The following PITPNB variants were observed in gnomAD, a reference collection of about 807,000 sequenced individuals.
PITPNB encodes phosphatidylinositol transfer protein beta.
Under a neutral mutation model 45.9 loss-of-function variants are expected in PITPNB, and 16 were observed. The ratio of observed to expected loss-of-function variants is 0.35; its 90% CI spans 0.24 to 0.53. The LOEUF (loss-of-function observed/expected upper bound fraction) is 0.53, where lower values mean the gene tolerates loss of function less well. Among genes scored for constraint, PITPNB ranks in the 20% least tolerant of loss-of-function variants. The pLI is 0.93. For missense variants in PITPNB, 188 were observed against 330.5 expected, an observed-to-expected ratio of 0.57 and a Z score of 3.34; for synonymous variants, 112 against 108.9, an observed-to-expected ratio of 1.03 and a Z score of -0.18.
At chr22:27,918,508 C>A (rs563580192) in intron 1 of PITPNB, among the ~76,000 whole-genome samples, 1 of 152,358 alleles carries the variant, frequency 6.6e-6, no homozygotes, top group Admixed American at 6.5e-5. Context: ...CTCCATTTGA[C>A]AGAGCACGTG....
At position 27,852,791 on chromosome 22, in the gene PITPNB, C is replaced by G. The variant is rs1289319542; in HGVS notation, c.*911G>C. The stretch of plus-strand genomic sequence containing the variant: ...CTATATTTCCAACTTTTCTACACAG[C>G]CTACAATCCTATTAAGACTAATTTC... On this transcript the variant is annotated 3_prime_UTR_variant, in exon 12 of 12. Coordinates refer to ENST00000335272, the MANE Select transcript of PITPNB (RefSeq NM_012399.5). The G allele has an allele frequency of 6.6e-6, 1 of 152,610 alleles. No homozygotes were observed. Among genetic ancestry groups the G allele is most frequent in the Non-Finnish European group, 1.5e-5 (1 of 68,034 alleles). 9.5% of individuals were successfully genotyped at this position (152,610 alleles called of 1,614,324 possible).
At position 27,896,454 on chromosome 22, in the gene PITPNB, T is replaced by C. The variant is rs557439064; in HGVS notation, c.372+98A>G. ...TTTGACACAGCTTGGTGCGGTCAGA[T>C]ACACAGGTGACATTACTTTGATGAT... On this transcript the variant is annotated intron_variant, in intron 6 of 11. Transcript: ENST00000335272. 107 of 832,836 alleles carry C rather than the reference T, an allele frequency of 1.3e-4. 1 individual carries two copies. The South Asian group carries it at 1.4e-3, about 11-fold the overall frequency. The allele number at this position is 832,836 out of a possible 1,614,324, so 51.6% of individuals were successfully genotyped here.
chr22:27,906,304 T>G (rs1420739782), intron 3 of PITPNB, among the ~76,000 whole-genome samples: 1 of 152,216 alleles, frequency 6.6e-6, no homozygotes, highest in Admixed American at 6.5e-5. Flanking sequence ...CTTATACAAT[T>G]GGGAATCTTA....
chr22:27,910,978 A>C lies in PITPNB; in HGVS notation c.183T>G (p.Ile61Met). The C allele has an allele frequency of 6.2e-7, 1 of 1,613,390 alleles. No individual in the cohort carries two copies. Among genetic ancestry groups the C allele is most frequent in the Non-Finnish European group, 8.5e-7 (1 of 1,179,412 alleles). ...ACACCGCTTACCTCTTTAGGTGATAAATTTTGTGCGTATACTGTCCCTTTT... is the reference window on the plus strand; with the variant it reads ...ACACCGCTTACCTCTTTAGGTGATACATTTTGTGCGTATACTGTCCCTTTT... Reference protein sequence around the residue: ...DGEKGQYTHKIYHLKSKVPAF... With the variant: ...DGEKGQYTHKMYHLKSKVPAF... The change falls in exon 3 of 12, where the codon ATT becomes ATG. Residue 61 changes from isoleucine (I) to methionine (M), a missense_variant. By Grantham distance (10) the Ile-to-Met change is conservative. Transcript: ENST00000335272.
intron 8 of PITPNB, among the ~76,000 whole-genome samples, chr22:27,863,345 G>A (rs765133659): frequency 6.6e-6 from 1 of 152,134 alleles, no homozygotes; most frequent in Non-Finnish European, 1.5e-5. Flanking sequence ...GGTCCTTGAG[G>A]GCCAGGATTG....
At chr22:27,914,011 T>G (rs1936007513) in intron 2 of PITPNB, among the ~76,000 whole-genome samples, 2 of 152,238 alleles carry the variant, frequency 1.3e-5, no homozygotes, top group South Asian at 4.1e-4. Context: ...CTACTTAACC[T>G]TAAAGTACTT....
chr22:27,880,394 C>T (rs914319111), intron 7 of PITPNB, among the ~76,000 whole-genome samples: 2 of 152,102 alleles, frequency 1.3e-5, no homozygotes, highest in Admixed American at 1.3e-4. Context: ...GCTGTTTATG[C>T]TTATTTCTTT....
At chr22:27,911,961 G>A (rs1371132331) in intron 2 of PITPNB, among the ~76,000 whole-genome samples, 1 of 152,058 alleles carries the variant, frequency 6.6e-6, no homozygotes, top group Non-Finnish European at 1.5e-5. Flanking sequence ...AACAAATGTT[G>A]GAAAAAGTTC....
chr22:27,914,585 A>T (rs1358636688), intron 1 of PITPNB, among the ~76,000 whole-genome samples: 1 of 152,190 alleles, frequency 6.6e-6, no homozygotes, highest in Non-Finnish European at 1.5e-5. Context: ...CAGGACCCCA[A>T]ACAGCAGCTG....
chr22:27,860,882 CT>C, intron 8 of PITPNB, among the ~76,000 whole-genome samples: 2 of 152,198 alleles, frequency 1.3e-5, no homozygotes, highest in Middle Eastern at 6.8e-3. Flanking sequence ...GGAAAATAAA[CT>C]ATTTTTTTAA....
At chr22:27,894,481 T>C (rs1380828211) in intron 7 of PITPNB, 74 bp downstream of exon 7, 1 of 832,886 alleles carries the variant, frequency 1.2e-6, no homozygotes, top group East Asian at 2.4e-5. Flanking sequence ...TTTAACTTAA[T>C]CCCAAATGTG....
At chr22:27,888,803 C>T (rs1935195041) in intron 7 of PITPNB, among the ~76,000 whole-genome samples, 1 of 152,170 alleles carries the variant, frequency 6.6e-6, no homozygotes, top group African/African-American at 2.4e-5. Context: ...GAGGTGAGAA[C>T]AAGTAGTGTG....
chr22:27,897,049 A>G, intron 5 of PITPNB, 81 bp downstream of exon 5: 1 of 1,004,846 alleles, frequency 1.0e-6, no homozygotes, highest in Admixed American at 1.7e-5. Flanking sequence ...GCAGTTAGCA[A>G]AGAATGGTTG....
chr22:27,917,853 G>A (rs1029259959), intron 1 of PITPNB, among the ~76,000 whole-genome samples: 2 of 152,108 alleles, frequency 1.3e-5, no homozygotes, highest in Admixed American at 1.3e-4. Context: ...GATAAAGCAG[G>A]GAAGACAAAT....
In PITPNB at chr22:27,914,338, A is replaced by G; in HGVS notation, c.30T>C (p.Val10=). 2 of 1,593,728 alleles carry G rather than the reference A, an allele frequency of 1.3e-6. No individual in the cohort carries two copies. The highest frequency in any genetic ancestry group is 8.6e-7 in the Non-Finnish European group (1 of 1,162,492). ...TCACCTCCTGAACAGAACATGGCAA[A>G]ACCACACGGCTAAAAAGACAAAAGA... The part of the protein sequence containing the change: MVLIKEFRV[V]LPCSVQEYQV... Residue 10 remains valine, a synonymous_variant, in exon 2 of 12, where the codon GTT becomes GTC. Coordinates refer to ENST00000335272, the MANE Select transcript of PITPNB (RefSeq NM_012399.5).
intron 7 of PITPNB, among the ~76,000 whole-genome samples, chr22:27,890,824 C>CAA (rs1422086645): frequency 2.6e-5 from 4 of 151,956 alleles, no homozygotes; most frequent in African/African-American, 9.7e-5. Context: ...AAAAACAAAA[C>CAA]AAAACAAAAA....
At chr22:27,880,682 G>C (rs1200928489) in intron 7 of PITPNB, among the ~76,000 whole-genome samples, 4 of 151,980 alleles carry the variant, frequency 2.6e-5, no homozygotes, top group Non-Finnish European at 4.4e-5. Flanking sequence ...CAGTGCAATG[G>C]CACGATCTCG....
At chr22:27,884,196 G>A (rs577555662) in intron 7 of PITPNB, among the ~76,000 whole-genome samples, 7 of 152,276 alleles carry the variant, frequency 4.6e-5, no homozygotes, top group African/African-American at 7.2e-5. Flanking sequence ...CTCGAAGCCC[G>A]TAATTGTGTC....
chr22:27,859,988 G>A (rs1934277533), intron 9 of PITPNB, 143 bp downstream of exon 9: 1 of 569,350 alleles, frequency 1.8e-6, no homozygotes, highest in Non-Finnish European at 3.1e-6. Context: ...GAGGTATAAA[G>A]AAGGGCTGAA....
Sources: allele counts gnomAD v4.1 joint callset (sites outside exome capture counted in the v4.1 genomes callset), GRCh38; gene constraint gnomAD v4.1.1; transcripts MANE v1.5; gene names NCBI Gene and HGNC (gene_info 2026-07-23, HGNC 2026-07-21).